The following NAALADL2 variants were observed in gnomAD, a reference collection of about 807,000 sequenced individuals.
NAALADL2 encodes the protein N-acetylated alpha-linked acidic dipeptidase like 2.
In NAALADL2, 76 loss-of-function variants were observed where a neutral mutation model predicts 87.2. The ratio of observed to expected loss-of-function variants is 0.87; its 90% CI spans 0.72 to 1.05. NAALADL2 has a LOEUF of 1.05. Ranked by LOEUF, NAALADL2 falls within the 50% of genes least tolerant of loss-of-function variation. The pLI is 0.00. For synonymous variants in NAALADL2, 354 were observed against 331.0 expected, an observed-to-expected ratio of 1.07 and a Z score of -0.75; for missense variants, 1,089 against 945.8, an observed-to-expected ratio of 1.15 and a Z score of -1.99.
At chr3:174,749,366 A>C (rs1455711370) in intron 3 of NAALADL2, among the ~76,000 whole-genome samples, 5 of 152,208 alleles carry the variant, frequency 3.3e-5, no homozygotes, top group Non-Finnish European at 5.9e-5. Context: ...ATCCACAGGC[A>C]ATGTCTAAAA....
intron 1 of NAALADL2, among the ~76,000 whole-genome samples, chr3:175,017,049 A>T (rs1377897355): frequency 1.3e-5 from 2 of 152,062 alleles, no homozygotes; most frequent in Admixed American, 1.3e-4. Context: ...CCAATTAATC[A>T]TCTACTTGCT....
chr3:174,752,379 G>A (rs1487398928), intron 3 of NAALADL2, among the ~76,000 whole-genome samples: 2 of 152,080 alleles, frequency 1.3e-5, no homozygotes, highest in Non-Finnish European at 2.9e-5. Flanking sequence ...ATGTAAATAA[G>A]TTTTTAGGTT....
intron 13 of NAALADL2, among the ~76,000 whole-genome samples, chr3:175,784,036 C>T (rs1270540574): frequency 6.8e-6 from 1 of 147,364 alleles, no homozygotes; most frequent in South Asian, 2.2e-4. Context: ...ACCAGCCTTG[C>T]ATCCCAGGGA....
chr3:175,273,409 A>G (rs1258891773), intron 4 of NAALADL2, among the ~76,000 whole-genome samples: 2 of 152,138 alleles, frequency 1.3e-5, no homozygotes. Flanking sequence ...GTGTTCTATT[A>G]TAATGAAAAT....
At chr3:175,697,827 A>G (rs1167553586) in intron 11 of NAALADL2, among the ~76,000 whole-genome samples, 1 of 102,940 alleles carries the variant, frequency 9.7e-6, no homozygotes, top group East Asian at 2.5e-4. Context: ...GTATACATAT[A>G]TATGTGTATT....
At chr3:175,293,947 T>C (rs753451375) in intron 4 of NAALADL2, among the ~76,000 whole-genome samples, 4 of 152,158 alleles carry the variant, frequency 2.6e-5, no homozygotes, top group African/African-American at 4.8e-5. Context: ...ATTCATACCA[T>C]GAAGCCAAAG....
At chr3:174,779,832 A>G (rs1039989772) in intron 3 of NAALADL2, among the ~76,000 whole-genome samples, 4 of 152,062 alleles carry the variant, frequency 2.6e-5, no homozygotes, top group Admixed American at 6.6e-5. Flanking sequence ...ATTGGTCTAC[A>G]TATGTGTTTT....
chr3:175,409,214 A>G (rs1165559844), intron 5 of NAALADL2, among the ~76,000 whole-genome samples: 3 of 151,796 alleles, frequency 2.0e-5, no homozygotes, highest in South Asian at 2.1e-4. Flanking sequence ...CATAAACTCT[A>G]TAGTTGTGGA....
At chr3:175,568,634 GT>G (rs1404389604) in intron 9 of NAALADL2, among the ~76,000 whole-genome samples, 10 of 152,156 alleles carry the variant, frequency 6.6e-5, no homozygotes, top group Admixed American at 2.0e-4. Context: ...TGCTAGGAGA[GT>G]TTCCCTGCTG....
At chr3:175,572,974 A>G (rs181304960) in intron 9 of NAALADL2, among the ~76,000 whole-genome samples, 28 of 152,338 alleles carry the variant, frequency 1.8e-4, no homozygotes, top group African/African-American at 6.5e-4. Flanking sequence ...CATATGTAAG[A>G]AACTAACACC....
chr3:175,624,767 A>C (rs1315229093), intron 10 of NAALADL2, among the ~76,000 whole-genome samples: 1 of 152,044 alleles, frequency 6.6e-6, no homozygotes, highest in Non-Finnish European at 1.5e-5. Flanking sequence ...TTTTATTGGC[A>C]TATAAGAACT....
chr3:175,124,161 G>C (rs184183350), intron 2 of NAALADL2, among the ~76,000 whole-genome samples: 4 of 151,986 alleles, frequency 2.6e-5, no homozygotes, highest in Admixed American at 2.6e-4. Context: ...GCCGCTTTTC[G>C]TGAGAATACT....
chr3:174,953,554 A>G (rs948257312), intron 1 of NAALADL2, among the ~76,000 whole-genome samples: 2 of 151,904 alleles, frequency 1.3e-5, no homozygotes, highest in Non-Finnish European at 2.9e-5. Flanking sequence ...CCTCCTTTGT[A>G]TAATATGAAA....
chr3:174,728,166 G>A (rs928470905), intron 2 of NAALADL2, among the ~76,000 whole-genome samples: 2 of 151,950 alleles, frequency 1.3e-5, no homozygotes, highest in African/African-American at 4.8e-5. Flanking sequence ...TATTAATAAA[G>A]ATGCTATAAG....
chr3:174,482,724 G>C (rs1012862026), intron 1 of NAALADL2, among the ~76,000 whole-genome samples: 2 of 151,912 alleles, frequency 1.3e-5, no homozygotes, highest in Admixed American at 6.6e-5. Flanking sequence ...AGATACCACA[G>C]CTCCATCTGG....
At chr3:174,593,007 CA>C (rs1374797497) in intron 2 of NAALADL2, among the ~76,000 whole-genome samples, 1 of 152,038 alleles carries the variant, frequency 6.6e-6, no homozygotes, top group Admixed American at 6.6e-5. Context: ...TCCTAGCTAT[CA>C]CTTTTCCTAA....
At chr3:175,683,500 A>G (rs925314119) in intron 11 of NAALADL2, among the ~76,000 whole-genome samples, 5 of 151,958 alleles carry the variant, frequency 3.3e-5, no homozygotes, top group Non-Finnish European at 5.9e-5. Flanking sequence ...AATACATTAT[A>G]TATGTATTTA....
At position 175,591,135 on chromosome 3, in the gene NAALADL2, G is replaced by A. The variant is rs146947177; in HGVS notation, c.1800+14948G>A. ...ATGACACTTCAACTTGTATAGGTGG[G>A]TGGATGGGGTTAGTGTGGAAGTGGA... On this transcript the variant is annotated intron_variant, in intron 10 of 13. Coordinates refer to ENST00000454872, the MANE Select transcript of NAALADL2 (RefSeq NM_207015.3). Among the ~76,000 whole-genome samples the A allele has an allele frequency of 2.4e-3, 370 of 152,282 alleles. 1 individual carries two copies. The highest frequency in any genetic ancestry group is 8.5e-3 in the African/African-American group (353 of 41,544).
chr3:175,698,833 G>A (rs928682472), intron 11 of NAALADL2, among the ~76,000 whole-genome samples: 8 of 151,730 alleles, frequency 5.3e-5, no homozygotes, highest in African/African-American at 1.9e-4. Flanking sequence ...AAAGCACTCA[G>A]ATCCCATTTA....
Sources: gnomAD v4.1 joint callset for allele counts (sites outside exome capture counted in the v4.1 genomes callset) on GRCh38, gnomAD v4.1.1 for gene constraint, MANE v1.5 for transcripts, NCBI Gene and HGNC (gene_info 2026-07-23, HGNC 2026-07-21) for gene names.